Variants in DACH1 observed in about 807,000 individuals in gnomAD.
DACH1 encodes dachshund family transcription factor 1, also known as dachshund homolog 1.
A neutral mutation model predicts 54.2 loss-of-function variants in DACH1; 12 were observed. The ratio of observed to expected loss-of-function variants is 0.22; its 90% CI spans 0.14 to 0.36. The LOEUF is 0.36. Among genes scored for constraint, DACH1 ranks in the 10% least tolerant of loss-of-function variants. The probability of loss-of-function intolerance (pLI) is 1.00; values close to 1 mark genes in which losing one functional copy is unlikely to be tolerated. For synonymous variants in DACH1, 386 were observed against 366.2 expected (o/e 1.05, Z -0.62); for missense variants, 805 against 929.8 (o/e 0.87, Z 1.75).
At chr13:71,728,764 C>T (rs1332321688) in intron 1 of DACH1, among the ~76,000 whole-genome samples, 1 of 151,990 alleles carries the variant, frequency 6.6e-6, no homozygotes, top group Non-Finnish European at 1.5e-5. Flanking sequence ...TTAACTCTTG[C>T]ATTCTCTACA....
chr13:71,775,569 A>G (rs1000070157), intron 1 of DACH1, among the ~76,000 whole-genome samples: 8 of 152,170 alleles, frequency 5.3e-5, no homozygotes, highest in African/African-American at 1.9e-4. Context: ...AGATATATAC[A>G]TTAGCTATGA....
intron 10 of DACH1, among the ~76,000 whole-genome samples, chr13:71,459,332 G>A (rs1875867527): frequency 6.6e-6 from 1 of 151,872 alleles, no homozygotes; most frequent in South Asian, 2.1e-4. Context: ...AGCCATACTG[G>A]AAGAATGTGT....
intron 1 of DACH1, chr13:71,704,539 C>A: frequency 2.4e-6 from 1 of 410,000 alleles, no homozygotes; most frequent in Non-Finnish European, 4.9e-6. Context: ...CAAAGAGAAA[C>A]ATACCTGGGT....
chr13:71,566,879 C>A (rs1353010452), intron 4 of DACH1, among the ~76,000 whole-genome samples: 1 of 151,946 alleles, frequency 6.6e-6, no homozygotes, highest in East Asian at 1.9e-4. Context: ...TATGTTTGTA[C>A]AAAGAATAAA....
intron 6 of DACH1, among the ~76,000 whole-genome samples, chr13:71,545,103 T>C (rs898475252): frequency 6.6e-6 from 1 of 152,098 alleles, no homozygotes; most frequent in Non-Finnish European, 1.5e-5. Flanking sequence ...CTAATTTTTA[T>C]AAAAACAAAC....
At chr13:71,593,516 T>C (rs1873878488) in intron 3 of DACH1, among the ~76,000 whole-genome samples, 2 of 152,146 alleles carry the variant, frequency 1.3e-5, no homozygotes, top group Admixed American at 6.6e-5. Context: ...GTGGCATTTT[T>C]ATTTCTATCA....
intron 3 of DACH1, among the ~76,000 whole-genome samples, chr13:71,603,653 C>T (rs550010435): frequency 6.6e-6 from 1 of 151,800 alleles, no homozygotes; most frequent in African/African-American, 2.4e-5. Flanking sequence ...CTAGTTTATA[C>T]AAATAACGAA....
At chr13:71,492,304 A>G (rs528466378) in intron 6 of DACH1, among the ~76,000 whole-genome samples, 1 of 152,288 alleles carries the variant, frequency 6.6e-6, no homozygotes, top group South Asian at 2.1e-4. Context: ...TAAGATCTTG[A>G]GATGAGGAGA....
At position 71,559,927 on chromosome 13, in the gene DACH1, G is replaced by A. The variant is rs1222609467; in HGVS notation, c.1328C>T (p.Ala443Val). 1.2e-6 allele frequency: 2 copies of A among 1,601,192 alleles called. No homozygotes were observed. Among genetic ancestry groups the A allele is most frequent in the Non-Finnish European group, 8.5e-7 (1 of 1,173,774 alleles). Residue 443 changes from alanine to valine, a missense_variant, in exon 5 of 11, where the codon GCC (alanine) becomes GTC (valine). By Grantham distance (64) the Ala-to-Val change is moderately conservative. Around this residue, in one of 3 missense-constraint regions of DACH1, gnomAD observed 472 missense variants for 545.3 expected, o/e 0.87. Transcript: ENST00000613252. ...CCTTCTCCCCTCCTCCAGAGAGGGG[G>A]CAGGTGAGGGGCTATCAGGAACACG... is the stretch of plus-strand genomic sequence containing the variant. The part of the protein sequence containing the change: ...KERVPDSPSP[A>V]PSLEEGRRPG...
intron 2 of DACH1, among the ~76,000 whole-genome samples, chr13:71,655,171 T>G (rs1239618200): frequency 6.6e-6 from 1 of 152,132 alleles, no homozygotes; most frequent in Non-Finnish European, 1.5e-5. Flanking sequence ...CTTCAGAACT[T>G]TTCAGCCCTC....
rs371441485 is a variant in DACH1 at position 71,580,465 on chromosome 13, T to C, written c.1127-7453A>G. On this transcript the variant is annotated intron_variant, in intron 3 of 10. Coordinates refer to ENST00000613252, the MANE Select transcript of DACH1 (RefSeq NM_080759.6). ...TCAATGTCAAAGTATATATTATTAATGTTTTTATGCTCATGTACAAATGTT... is the reference window on the plus strand; with the variant it reads ...TCAATGTCAAAGTATATATTATTAACGTTTTTATGCTCATGTACAAATGTT... 1.2e-3 allele frequency among the ~76,000 whole-genome samples: 185 copies of C among 152,330 alleles called. 2 individuals carry two copies. Among genetic ancestry groups the C allele is most frequent in the African/African-American group, 4.2e-3 (176 of 41,584 alleles).
intron 1 of DACH1, among the ~76,000 whole-genome samples, chr13:71,800,502 T>A (rs1594237905): frequency 6.6e-6 from 1 of 152,212 alleles, no homozygotes; most frequent in Non-Finnish European, 1.5e-5. Flanking sequence ...AGTGTAGTGA[T>A]AACATTTGCT....
intron 1 of DACH1, among the ~76,000 whole-genome samples, chr13:71,780,847 G>C (rs1411786186): frequency 6.6e-6 from 1 of 152,048 alleles, no homozygotes; most frequent in Non-Finnish European, 1.5e-5. Flanking sequence ...TTATTGCTAA[G>C]AATAGGCCGG....
At chr13:71,727,012 C>T (rs1421189789) in intron 1 of DACH1, among the ~76,000 whole-genome samples, 5 of 151,930 alleles carry the variant, frequency 3.3e-5, no homozygotes, top group East Asian at 1.9e-4. Context: ...TGAAACAATG[C>T]TTATTATTAA....
chr13:71,654,443 ATAAAATAAAATAAAG>A (rs1878929094), intron 2 of DACH1, among the ~76,000 whole-genome samples: 27 of 131,700 alleles, frequency 2.1e-4, no homozygotes, highest in African/African-American at 2.6e-4. Flanking sequence ...ATAAAATAAA[ATAAAATAAAATAAAG>A]TAAAATAAAA....
chr13:71,451,385 G>A (rs1438131517), intron 10 of DACH1, among the ~76,000 whole-genome samples: 1 of 152,132 alleles, frequency 6.6e-6, no homozygotes, highest in African/African-American at 2.4e-5. Flanking sequence ...CCGTATTTGT[G>A]TATTTCTAGC....
At chr13:71,723,149 C>G (rs1459263119) in intron 1 of DACH1, among the ~76,000 whole-genome samples, 1 of 151,840 alleles carries the variant, frequency 6.6e-6, no homozygotes, top group Non-Finnish European at 1.5e-5. Flanking sequence ...TACCTGTAAT[C>G]CTAGCACTTT....
chr13:71,561,540 G>T, intron 4 of DACH1, among the ~76,000 whole-genome samples: 1 of 152,158 alleles, frequency 6.6e-6, no homozygotes, highest in East Asian at 1.9e-4. Flanking sequence ...TATAGAAAGC[G>T]AAGGATTCTA....
intron 3 of DACH1, among the ~76,000 whole-genome samples, chr13:71,606,419 A>G (rs1874884886): frequency 6.6e-6 from 1 of 152,064 alleles, no homozygotes; most frequent in South Asian, 2.1e-4. Context: ...AGAATCTACA[A>G]TAGAACTATT....
Sources: gnomAD v4.1 joint callset for allele counts (sites outside exome capture counted in the v4.1 genomes callset) on GRCh38, gnomAD v4.1.1 for gene constraint, gnomAD v4.1.1 regional missense constraint, MANE v1.5 for transcripts, NCBI Gene and HGNC (gene_info 2026-07-23, HGNC 2026-07-21) for gene names.